The following PDE12 variants were observed in gnomAD, a reference collection of about 807,000 sequenced individuals.
PDE12 encodes phosphodiesterase 12.
In PDE12, 26 loss-of-function variants were observed where a neutral mutation model predicts 45.4. The observed-to-expected ratio is 0.57, with a 90% CI of 0.42 to 0.79. The LOEUF is 0.79. Ranked by LOEUF, PDE12 falls within the 30% of genes least tolerant of loss-of-function variation. The pLI is 0.00. For missense variants in PDE12, 668 were observed against 790.0 expected (o/e 0.85, Z 1.85); for synonymous variants, 283 against 323.9 (o/e 0.87, Z 1.36).
chr3:57,646,342 T>G, the PDE12 span: 1 of 1,613,440 alleles, frequency 6.2e-7, no homozygotes, highest in Non-Finnish European at 8.5e-7. Flanking sequence ...CAGTCTCTGA[T>G]GATTCCGATG....
At chr3:57,626,882 C>T in the PDE12 span, 1 of 152,472 alleles carries the variant, frequency 6.6e-6, no homozygotes, top group Admixed American at 6.6e-5. Context: ...GGCGAAAGTT[C>T]CCATGTCAAA....
At position 57,566,615 on chromosome 3, in the gene PDE12, C is replaced by G. The variant is rs2069788374; in HGVS notation, c.*6611C>G. 1 of 152,152 alleles carries G rather than the reference C, an allele frequency of 6.6e-6. No homozygotes were observed. The highest frequency in any genetic ancestry group is 1.5e-5 in the Non-Finnish European group (1 of 68,030). 9.4% of individuals were successfully genotyped at this position (152,152 alleles called of 1,614,324 possible). ...GAGGGTTCCAGTTTCCCTCCATCCT[C>G]ATTAACACTTTATTATCTTTTTGAT... On this transcript the variant is annotated 3_prime_UTR_variant, in exon 3 of 3. Transcript: ENST00000311180.
At chr3:57,650,095 G>A in the PDE12 span, among the ~76,000 whole-genome samples, 2 of 152,050 alleles carry the variant, frequency 1.3e-5, no homozygotes, top group Non-Finnish European at 2.9e-5. Flanking sequence ...CTATGAGGAT[G>A]CAAAGACATA....
the PDE12 span, chr3:57,600,931 TTTC>T: frequency 1.1e-4 from 17 of 152,246 alleles, no homozygotes; most frequent in Non-Finnish European, 1.8e-4. Context: ...GAAGAGAATC[TTTC>T]TTATTTTTAA....
chr3:57,589,690 C>T, the PDE12 span, among the ~76,000 whole-genome samples: 2 of 151,708 alleles, frequency 1.3e-5, no homozygotes, highest in African/African-American at 4.8e-5. Flanking sequence ...GGCACTCCAG[C>T]CTGGGCAACA....
At chr3:57,577,182 A>T in the PDE12 span, 4 of 728,672 alleles carry the variant, frequency 5.5e-6, no homozygotes, top group South Asian at 1.8e-5. Context: ...TGGATAATAT[A>T]GTTTCTTAAG....
the PDE12 span, chr3:57,628,056 A>T: frequency 4.0e-6 from 4 of 997,520 alleles, no homozygotes; most frequent in East Asian, 2.7e-5. Flanking sequence ...TGCACTAAAA[A>T]GGTCTGTTTA....
Position 57,561,222 on chromosome 3 carries a change from T to C in PDE12, c.*1218T>C. ...TTAGAAAATACAGCACATTACTTTATGAGAAACTACCTACTGATATGGGCT... is the reference window on the plus strand; with the variant it reads ...TTAGAAAATACAGCACATTACTTTACGAGAAACTACCTACTGATATGGGCT... On this transcript the variant is annotated 3_prime_UTR_variant, in exon 3 of 3. Transcript: ENST00000311180. The C allele has an allele frequency of 2.0e-6, 2 of 984,992 alleles. No individual in the cohort carries two copies. Among genetic ancestry groups the C allele is most frequent in the Non-Finnish European group, 2.4e-6 (2 of 829,134 alleles). 61.0% of individuals were successfully genotyped at this position (984,992 alleles called of 1,614,324 possible).
the PDE12 span, among the ~76,000 whole-genome samples, chr3:57,645,166 A>T: frequency 3.9e-5 from 6 of 152,172 alleles, no homozygotes; most frequent in African/African-American, 1.4e-4. Context: ...TTCCATTAAT[A>T]AATAAAATCA....
At chr3:57,639,482 T>C in the PDE12 span, among the ~76,000 whole-genome samples, 3 of 152,210 alleles carry the variant, frequency 2.0e-5, no homozygotes, top group African/African-American at 7.2e-5. Flanking sequence ...TACTACATTA[T>C]AATTAATAGT....
At chr3:57,584,508 A>G in the PDE12 span, 8 of 1,464,360 alleles carry the variant, frequency 5.5e-6, no homozygotes, top group Non-Finnish European at 7.6e-6. Context: ...CCAAAAGCAC[A>G]CTCCAAGAAA....
At chr3:57,577,518 G>A in the PDE12 span, 1 of 682,396 alleles carries the variant, frequency 1.5e-6, no homozygotes, top group Non-Finnish European at 2.5e-6. Context: ...AAGAACTTAA[G>A]GCTGTAATGC....
At chr3:57,595,488 T>C in the PDE12 span, among the ~76,000 whole-genome samples, 1 of 152,250 alleles carries the variant, frequency 6.6e-6, no homozygotes, top group East Asian at 1.9e-4. Flanking sequence ...TAAGAAACTT[T>C]GAAAGAAAAA....
chr3:57,634,707 G>A, the PDE12 span: 1 of 1,552,344 alleles, frequency 6.4e-7, no homozygotes, highest in Non-Finnish European at 8.7e-7. Flanking sequence ...TCAATACCAG[G>A]TTTGGAATCC....
chr3:57,582,051 C>A, the PDE12 span, among the ~76,000 whole-genome samples: 1 of 152,248 alleles, frequency 6.6e-6, no homozygotes, highest in South Asian at 2.1e-4. Context: ...GAATGCTCAA[C>A]TGGGTACAAT....
the PDE12 span, among the ~76,000 whole-genome samples, chr3:57,585,025 G>A: frequency 9.9e-5 from 15 of 152,082 alleles, no homozygotes; most frequent in East Asian, 2.3e-3. Context: ...CACCACGCCC[G>A]GCTAATTTTT....
At chr3:57,603,621 A>AT in the PDE12 span, among the ~76,000 whole-genome samples, 2,090 of 125,290 alleles carry the variant, frequency 0.017, 45 homozygotes, top group African/African-American at 0.048. Flanking sequence ...CCGGCCAGAA[A>AT]TTTTTTTTTT....
chr3:57,557,339 C>T lies in PDE12; in HGVS notation c.960C>T (p.Tyr320=), dbSNP rs749818999. The T allele has an allele frequency of 6.2e-7, 1 of 1,613,984 alleles. No individual in the cohort carries two copies. Among genetic ancestry groups the T allele is most frequent in the South Asian group, 1.1e-5 (1 of 91,082 alleles). The part of the protein sequence containing the change: ...TEFSRTVLYP[Y]CAPYALELDY... Reference sequence around the variant, plus strand: ...TCTCGCGAACGGTTCTGTACCCATACTGTGCCCCCTACGCCCTGGAGCTCG... The same window carrying T: ...TCTCGCGAACGGTTCTGTACCCATATTGTGCCCCCTACGCCCTGGAGCTCG... The change falls in exon 1 of 3, where the codon TAC becomes TAT. Residue 320 remains tyrosine (Y), a synonymous_variant. Coordinates refer to ENST00000311180, the MANE Select transcript of PDE12 (RefSeq NM_177966.7).
the PDE12 span, among the ~76,000 whole-genome samples, chr3:57,607,353 C>T: frequency 5.9e-5 from 9 of 152,238 alleles, no homozygotes; most frequent in South Asian, 4.2e-4. Flanking sequence ...TCCGAAGGAA[C>T]GCAGCTCCTC....
Sources: gnomAD v4.1 joint callset for allele counts (sites outside exome capture counted in the v4.1 genomes callset) on GRCh38, gnomAD v4.1.1 for gene constraint, MANE v1.5 for transcripts, NCBI Gene and HGNC (gene_info 2026-07-23, HGNC 2026-07-21) for gene names.